Variants in MYT1L observed in about 807,000 individuals in gnomAD.
The protein encoded by MYT1L is myelin transcription factor 1-like protein.
A neutral mutation model predicts 126.7 loss-of-function variants in MYT1L; 12 were observed. That is an observed-to-expected ratio of 0.09 (90% confidence interval 0.06 to 0.15). The LOEUF (loss-of-function observed/expected upper bound fraction) is 0.15, where lower values mean the gene tolerates loss of function less well. Among genes scored for constraint, MYT1L ranks in the 10% least tolerant of loss-of-function variants. MYT1L has a pLI of 1.00. For synonymous variants in MYT1L, 541 were observed against 604.2 expected, an observed-to-expected ratio of 0.90 and a Z score of 1.53; for missense variants, 979 against 1,585.2, an observed-to-expected ratio of 0.62 and a Z score of 6.49.
At chr2:2,006,008 ATTCTTTCCTGCATGCG>A (rs2063284487) in intron 4 of MYT1L, among the ~76,000 whole-genome samples, 2 of 95,928 alleles carry the variant, frequency 2.1e-5, no homozygotes, top group Admixed American at 9.8e-5. Flanking sequence ...TCCTGCATGC[ATTCTTTCCTGCATGCG>A]TTCTTTCCTG....
chr2:1,874,345 AAC>A (rs869282541), intron 18 of MYT1L, among the ~76,000 whole-genome samples: 1 of 135,228 alleles, frequency 7.4e-6, no homozygotes, highest in African/African-American at 3.3e-5. Flanking sequence ...AAGCTAATGT[AAC>A]AGGGGGAAAA....
At chr2:2,209,057 C>A (rs1340641554) in intron 2 of MYT1L, among the ~76,000 whole-genome samples, 3 of 152,134 alleles carry the variant, frequency 2.0e-5, no homozygotes, top group African/African-American at 7.2e-5. Flanking sequence ...TGAAATGACT[C>A]ATTCTGCCAG....
chr2:2,322,366 G>C (rs547620834), intron 1 of MYT1L, among the ~76,000 whole-genome samples: 2 of 152,044 alleles, frequency 1.3e-5, no homozygotes, highest in Non-Finnish European at 2.9e-5. Flanking sequence ...GCCATGAAAG[G>C]CTGCTTTTCT....
At chr2:2,204,404 C>A (rs1391239686) in intron 2 of MYT1L, among the ~76,000 whole-genome samples, 1 of 150,800 alleles carries the variant, frequency 6.6e-6, no homozygotes, top group Non-Finnish European at 1.5e-5. Context: ...TGAACTCAAA[C>A]AAATTTACAA....
In MYT1L at chr2:1,979,061, A is replaced by G. The variant is rs1472463391; in HGVS notation, c.152+104T>C. 1.1e-6 allele frequency: 1 copy of G among 878,362 alleles called. No homozygotes were observed. The highest frequency in any genetic ancestry group is 1.7e-5 in the African/African-American group (1 of 59,538). 54.4% of individuals were successfully genotyped at this position (878,362 alleles called of 1,614,324 possible). A position where few individuals can be genotyped will look rare whatever the true frequency, so the allele number is the denominator to read the frequency against. On this transcript the variant is annotated intron_variant, in intron 8 of 24. Coordinates refer to ENST00000647738, the MANE Select transcript of MYT1L (RefSeq NM_001303052.2). This position sits in a 1 kb window ranked among gnomAD's most constrained non-coding sequence, Gnocchi z 4.0. ...AGAAGAAAAAGAAGGCATAATGTGT[A>G]TTGCTTTCCAAGAACACCTGCTCAC...
intron 10 of MYT1L, among the ~76,000 whole-genome samples, chr2:1,920,731 G>T (rs2053460916): frequency 6.6e-6 from 1 of 152,120 alleles, no homozygotes; most frequent in South Asian, 2.1e-4. Context: ...GATAATTTTA[G>T]CCCATCTTGT....
chr2:1,934,930 TGGC>T (rs1445483354), intron 9 of MYT1L, among the ~76,000 whole-genome samples: 1 of 152,098 alleles, frequency 6.6e-6, no homozygotes, highest in African/African-American at 2.4e-5. Context: ...GAGACACAGG[TGGC>T]TGCTCACATA....
intron 5 of MYT1L, among the ~76,000 whole-genome samples, chr2:1,989,610 C>T (rs1033142732): frequency 1.3e-5 from 2 of 152,072 alleles, no homozygotes; most frequent in Non-Finnish European, 2.9e-5. Flanking sequence ...AGATGCTCTA[C>T]GCAGGAAAGA....
intron 4 of MYT1L, among the ~76,000 whole-genome samples, chr2:2,004,211 G>GCC (rs2062806077): frequency 1.6e-5 from 2 of 122,180 alleles, no homozygotes; most frequent in Non-Finnish European, 3.7e-5. Flanking sequence ...TCCTGAATGT[G>GCC]TTCTTTCCTG....
In MYT1L at chr2:2,081,732, T is replaced by C. The variant is rs75967580; in HGVS notation, c.-303-27609A>G. ...ATACCTTAGTTAGTTTATTTATTTATATTTATTTATTTATTTATTTACTTA... is the reference window on the plus strand; with the variant it reads ...ATACCTTAGTTAGTTTATTTATTTACATTTATTTATTTATTTATTTACTTA... On this transcript the variant is annotated intron_variant, in intron 3 of 24. Coordinates refer to ENST00000647738, the MANE Select transcript of MYT1L (RefSeq NM_001303052.2). Among the ~76,000 whole-genome samples, 1,305 of 150,706 alleles carry C rather than the reference T, an allele frequency of 8.7e-3. 19 individuals carry two copies. The highest frequency in any genetic ancestry group is 0.027 in the African/African-American group (1,090 of 40,324).
At chr2:2,285,105 G>C (rs1188726446) in intron 1 of MYT1L, among the ~76,000 whole-genome samples, 1 of 152,218 alleles carries the variant, frequency 6.6e-6, no homozygotes, top group African/African-American at 2.4e-5. Flanking sequence ...GAGTCCCTAG[G>C]TCTCCGTCCT....
At chr2:2,005,643 CGTTCTTTCCTGAATAT>C (rs1238531443) in intron 4 of MYT1L, among the ~76,000 whole-genome samples, 1 of 150,242 alleles carries the variant, frequency 6.7e-6, no homozygotes, top group African/African-American at 2.5e-5. Context: ...TTCCTGCAGG[CGTTCTTTCCTGAATAT>C]GTTCTTTCCT....
intron 3 of MYT1L, among the ~76,000 whole-genome samples, chr2:2,087,956 G>A (rs1487735397): frequency 6.6e-6 from 1 of 152,236 alleles, no homozygotes; most frequent in East Asian, 1.9e-4. Flanking sequence ...TGTGATCACG[G>A]CTGAGTTGGT....
intron 9 of MYT1L, among the ~76,000 whole-genome samples, chr2:1,940,376 G>A (rs1472723146): frequency 1.3e-5 from 2 of 148,720 alleles, no homozygotes; most frequent in Non-Finnish European, 3.0e-5. Context: ...TCTCACTGTG[G>A]CTGCACCCTG....
intron 4 of MYT1L, among the ~76,000 whole-genome samples, chr2:2,004,290 C>CATGT (rs2062847414): frequency 7.2e-6 from 1 of 139,238 alleles, no homozygotes; most frequent in African/African-American, 2.7e-5. Flanking sequence ...TTCCTGCATG[C>CATGT]GTTCTTTCCT....
intron 5 of MYT1L, among the ~76,000 whole-genome samples, chr2:1,993,306 T>C (rs982517176): frequency 1.3e-5 from 2 of 152,150 alleles, no homozygotes; most frequent in African/African-American, 4.8e-5. Flanking sequence ...CAGGTGGGGA[T>C]TGGGCAGCCG....
chr2:2,161,370 T>G lies in MYT1L; in HGVS notation c.-304+11502A>C, dbSNP rs188739077. ...AAAAAGAACTATTATTTTTAGGAATTTATGCTAAATTATTTCTAGCTAAAA... is the reference window on the plus strand; with the variant it reads ...AAAAAGAACTATTATTTTTAGGAATGTATGCTAAATTATTTCTAGCTAAAA... On this transcript the variant is annotated intron_variant, in intron 3 of 24. Transcript: ENST00000647738. 4.0e-3 allele frequency among the ~76,000 whole-genome samples: 609 copies of G among 152,330 alleles called. 2 individuals carry two copies. Among genetic ancestry groups the G allele is most frequent in the African/African-American group, 0.014 (589 of 41,570 alleles).
chr2:1,887,406 A>G lies in MYT1L; in HGVS notation c.2642+82T>C. 1.3e-6 allele frequency: 2 copies of G among 1,577,186 alleles called. No individual in the cohort carries two copies. Among genetic ancestry groups the G allele is most frequent in the Non-Finnish European group, 1.7e-6 (2 of 1,148,104 alleles). ...ATGTCGCATGCTCAAACGGCAAGGC[A>G]TATACAGATCCAGTTTTAAAAAATC... On this transcript the variant is annotated intron_variant, in intron 17 of 24. Coordinates refer to ENST00000647738, the MANE Select transcript of MYT1L (RefSeq NM_001303052.2). This position sits in a 1 kb window ranked among gnomAD's most constrained non-coding sequence, Gnocchi z 4.8.
At chr2:1,813,075 T>G (rs555746852) in intron 21 of MYT1L, among the ~76,000 whole-genome samples, 63 of 152,188 alleles carry the variant, frequency 4.1e-4, no homozygotes, top group Admixed American at 6.5e-4. Flanking sequence ...AGCTCCCATC[T>G]TTCCCCCGCT....
Sources: allele counts gnomAD v4.1 joint callset (sites outside exome capture counted in the v4.1 genomes callset), GRCh38; gene constraint gnomAD v4.1.1; non-coding constraint Gnocchi (gnomAD v3.1); transcripts MANE v1.5; gene names NCBI Gene and HGNC (gene_info 2026-07-23, HGNC 2026-07-21).